Variants in CLIP1 observed in about 807,000 individuals in gnomAD.
CLIP1 encodes the protein CAP-Gly domain-containing linker protein 1.
A neutral mutation model predicts 161.6 loss-of-function variants in CLIP1; 66 were observed. The observed-to-expected ratio is 0.41, with a 90% CI of 0.33 to 0.50. The LOEUF (loss-of-function observed/expected upper bound fraction) is 0.50, where lower values mean the gene tolerates loss of function less well. Among genes scored for constraint, CLIP1 ranks in the 20% least tolerant of loss-of-function variants. The probability of loss-of-function intolerance (pLI) is 0.27; values close to 1 mark genes in which losing one functional copy is unlikely to be tolerated. For missense variants in CLIP1, 1,376 were observed against 1,702.0 expected (o/e 0.81, Z 3.37); for synonymous variants, 598 against 626.2 (o/e 0.96, Z 0.67).
At chr12:122,379,944 T>TGAAA (rs536970371) in intron 2 of CLIP1, among the ~76,000 whole-genome samples, 2 of 99,722 alleles carry the variant, frequency 2.0e-5, no homozygotes, top group South Asian at 3.7e-4. Context: ...ACTCCATCTT[T>TGAAA]AAAAAAAAAA....
At chr12:122,391,411 C>A (rs994893726) in intron 1 of CLIP1, among the ~76,000 whole-genome samples, 19 of 151,900 alleles carry the variant, frequency 1.3e-4, no homozygotes, top group East Asian at 1.9e-4. Context: ...CATGGTGACA[C>A]CCCATCTCTA....
Position 122,341,597 on chromosome 12 carries a change from T to A in CLIP1, c.1607A>T (p.Asn536Ile), listed in dbSNP as rs201330075. The A allele has an allele frequency of 6.2e-7, 1 of 1,613,760 alleles. No individual in the cohort carries two copies. ...CATGTCCACATCCCCAGCAGGCTTATTGGACTCTAGCCTTCTTCGGAGCTC... is the reference window on the plus strand; with the variant it reads ...CATGTCCACATCCCCAGCAGGCTTAATGGACTCTAGCCTTCTTCGGAGCTC... ...VAELRRRLES[N>I]KPAGDVDMSL... The change falls in exon 11 of 26, where the codon AAT becomes ATT. Residue 536 changes from asparagine (N) to isoleucine (I), a missense_variant. Physicochemically the swap from Asn to Ile is moderately radical, Grantham distance 149. Coordinates refer to ENST00000620786, the MANE Select transcript of CLIP1 (RefSeq NM_001247997.2).
chr12:122,346,251 C>T (rs1483898570), intron 10 of CLIP1, among the ~76,000 whole-genome samples: 1 of 152,224 alleles, frequency 6.6e-6, no homozygotes, highest in Non-Finnish European at 1.5e-5. Context: ...CTCTGCGCCT[C>T]AGTGTTCTTG....
At chr12:122,357,556 TG>T (rs1193334977) in intron 5 of CLIP1, among the ~76,000 whole-genome samples, 155 of 65,658 alleles carry the variant, frequency 2.4e-3, no homozygotes, top group African/African-American at 8.5e-3. Flanking sequence ...GGGAGGGAGG[TG>T]GGGGGGGTCA....
Position 122,328,175 on chromosome 12 carries a change from C to T in CLIP1, c.3034-13G>A. ...CCATTTTCTTTTCCTGCAGAGACCCCGAATGAGGGAATGAGTCATCTGCCC... is the reference window on the plus strand; with the variant it reads ...CCATTTTCTTTTCCTGCAGAGACCCTGAATGAGGGAATGAGTCATCTGCCC... On this transcript the variant is annotated splice_polypyrimidine_tract_variant and intron_variant, in intron 16 of 25. Transcript: ENST00000620786. 2 of 1,613,668 alleles carry T rather than the reference C, an allele frequency of 1.2e-6. No homozygotes were observed. Among genetic ancestry groups the T allele is most frequent in the Non-Finnish European group, 1.7e-6 (2 of 1,179,920 alleles).
intron 11 of CLIP1, among the ~76,000 whole-genome samples, chr12:122,337,668 G>A (rs1181569629): frequency 6.6e-6 from 1 of 152,048 alleles, no homozygotes; most frequent in Non-Finnish European, 1.5e-5. Flanking sequence ...TAAAGCAGAA[G>A]GTGTGGATGC....
Position 122,393,912 on chromosome 12 carries a change from C to CAAAAA in CLIP1, c.-106-13359_-106-13355dup, listed in dbSNP as rs71082981. Among the ~76,000 whole-genome samples, 43 of 63,194 alleles carry CAAAAA rather than the reference C, an allele frequency of 6.8e-4. 1 individual carries two copies. The highest frequency in any genetic ancestry group is 1.8e-3 in the African/African-American group (40 of 21,662). The allele number at this position is 63,194 out of a possible 152,430, so 41.5% of individuals were successfully genotyped here. A position where few individuals can be genotyped will look rare whatever the true frequency, so the allele number is the denominator to read the frequency against. On this transcript the variant is annotated intron_variant, in intron 1 of 25. Transcript: ENST00000620786. The stretch of plus-strand genomic sequence containing the variant: ...GGGTGACAGAGTGAGATTCTGTCTC[C>CAAAAA]AAAAAAAAAAAAAAAAAAGATTCTA...
intron 5 of CLIP1, among the ~76,000 whole-genome samples, chr12:122,359,271 G>A (rs887996023): frequency 3.3e-5 from 5 of 152,084 alleles, no homozygotes; most frequent in African/African-American, 1.2e-4. Flanking sequence ...AGAAACTCAC[G>A]TCTCTTTTGT....
intron 3 of CLIP1, among the ~76,000 whole-genome samples, chr12:122,366,124 T>C (rs1954154844): frequency 6.6e-6 from 1 of 151,732 alleles, no homozygotes; most frequent in Admixed American, 6.6e-5. Context: ...CTGGCCAACA[T>C]GGTAAAAACC....
intron 1 of CLIP1, among the ~76,000 whole-genome samples, chr12:122,397,768 G>C (rs1955978496): frequency 1.3e-5 from 2 of 151,512 alleles, no homozygotes; most frequent in South Asian, 4.2e-4. Context: ...TGGCCAACAT[G>C]GTGAAACCCC....
chr12:122,318,946 A>G (rs1951375949), intron 18 of CLIP1, among the ~76,000 whole-genome samples: 1 of 152,234 alleles, frequency 6.6e-6, no homozygotes, highest in South Asian at 2.1e-4. Flanking sequence ...TGTAAGATCA[A>G]GGATACAAAA....
chr12:122,293,806 G>GT (rs1363801865), intron 20 of CLIP1, among the ~76,000 whole-genome samples: 6 of 98,046 alleles, frequency 6.1e-5, no homozygotes, highest in East Asian at 9.4e-4. Context: ...TTTGTTTTTT[G>GT]TTTTTTGTTT....
At chr12:122,384,564 C>G (rs1955151307) in intron 1 of CLIP1, among the ~76,000 whole-genome samples, 1 of 152,010 alleles carries the variant, frequency 6.6e-6, no homozygotes, top group African/African-American at 2.4e-5. Context: ...GAGTTCGAAA[C>G]CAGCCTGGCC....
In CLIP1 at chr12:122,272,837, T is replaced by G. The variant is rs374594707; in HGVS notation, c.*38A>C. On this transcript the variant is annotated 3_prime_UTR_variant, in exon 26 of 26. Coordinates refer to ENST00000620786, the MANE Select transcript of CLIP1 (RefSeq NM_001247997.2). ...TGGTGTTACGTTGTGTCAATGCGAG[T>G]GCGTCTGAGCAAGCCCAGTTCTCCA... The G allele has an allele frequency of 6.4e-7, 1 of 1,562,066 alleles. No homozygotes were observed. The highest frequency in any genetic ancestry group is 8.8e-7 in the Non-Finnish European group (1 of 1,132,600).
intron 25 of CLIP1, 89 bp downstream of exon 25, chr12:122,273,949 C>T: frequency 8.9e-7 from 1 of 1,129,160 alleles, no homozygotes; most frequent in Non-Finnish European, 1.3e-6. Context: ...CCAGGCTGGT[C>T]TCGAACTCCT....
At chr12:122,407,529 C>T (rs891927626) in intron 1 of CLIP1, among the ~76,000 whole-genome samples, 4 of 151,542 alleles carry the variant, frequency 2.6e-5, no homozygotes, top group African/African-American at 9.7e-5. Flanking sequence ...GGCAACACGG[C>T]AAAACTCCAT....
At chr12:122,295,800 A>T (rs1950446116) in intron 20 of CLIP1, among the ~76,000 whole-genome samples, 1 of 152,210 alleles carries the variant, frequency 6.6e-6, no homozygotes, top group Non-Finnish European at 1.5e-5. Flanking sequence ...GTTATTAGGT[A>T]CATCTATGTT....
chr12:122,351,029 TTGAGTA>T (rs1953009700), intron 9 of CLIP1, 76 bp downstream of exon 9: 1 of 1,043,982 alleles, frequency 9.6e-7, no homozygotes, highest in Non-Finnish European at 1.4e-6. Flanking sequence ...CAGTTAGTGT[TTGAGTA>T]TATCAATAAG....
At chr12:122,316,721 A>AT in intron 19 of CLIP1, 28 bp downstream of exon 19, 1 of 1,297,040 alleles carries the variant, frequency 7.7e-7, no homozygotes, top group Non-Finnish European at 1.1e-6. Flanking sequence ...TAAATTCCAT[A>AT]TTTTTTTCTC....
Sources: allele counts gnomAD v4.1 joint callset (sites outside exome capture counted in the v4.1 genomes callset), GRCh38; gene constraint gnomAD v4.1.1; transcripts MANE v1.5; gene names NCBI Gene and HGNC (gene_info 2026-07-23, HGNC 2026-07-21).